POU6F2: variants seen among roughly 807,000 people sequenced by gnomAD.
POU6F2 encodes the protein POU domain, class 6, transcription factor 2.
Under a neutral mutation model 71.3 loss-of-function variants are expected in POU6F2, and 31 were observed. The observed-to-expected ratio is 0.43, with a 90% CI of 0.33 to 0.59. The LOEUF (loss-of-function observed/expected upper bound fraction) is 0.59. Among genes scored for constraint, POU6F2 ranks in the 20% least tolerant of loss-of-function variants. The probability of loss-of-function intolerance (pLI) is 0.04; values close to 1 mark genes in which losing one functional copy is unlikely to be tolerated. For synonymous variants in POU6F2, 347 were observed against 355.7 expected, an observed-to-expected ratio of 0.98 and a Z score of 0.27; for missense variants, 783 against 856.8, an observed-to-expected ratio of 0.91 and a Z score of 1.07.
chr7:39,291,015 G>GAAAAAAAAA (rs35704977), intron 4 of POU6F2, among the ~76,000 whole-genome samples: 2 of 122,432 alleles, frequency 1.6e-5, no homozygotes, highest in Non-Finnish European at 3.4e-5. Context: ...AAAGAGGACA[G>GAAAAAAAAA]AAAAAAAAAA....
At chr7:39,365,665 G>C (rs6979897) in intron 5 of POU6F2, among the ~76,000 whole-genome samples, 2 of 151,846 alleles carry the variant, frequency 1.3e-5, no homozygotes, top group African/African-American at 4.8e-5. Flanking sequence ...CAGAATCTAC[G>C]ATGCACTCAA....
intron 1 of POU6F2, among the ~76,000 whole-genome samples, chr7:38,989,525 T>A (rs1323839973): frequency 6.6e-6 from 1 of 152,074 alleles, no homozygotes. Flanking sequence ...CACCTTTTCA[T>A]GATCAGTTTT....
chr7:39,304,604 G>A (rs956802604), intron 4 of POU6F2, among the ~76,000 whole-genome samples: 10 of 151,954 alleles, frequency 6.6e-5, no homozygotes, highest in African/African-American at 2.2e-4. Flanking sequence ...AATAGGGCTC[G>A]CTGGCAAAGT....
chr7:39,339,358 A>G (rs1785858136), intron 4 of POU6F2, among the ~76,000 whole-genome samples: 1 of 152,194 alleles, frequency 6.6e-6, no homozygotes, highest in Non-Finnish European at 1.5e-5. Flanking sequence ...TTAAAAAACA[A>G]TCTCCATTCC....
chr7:39,370,211 T>C (rs1786581268), intron 5 of POU6F2, among the ~76,000 whole-genome samples: 1 of 152,222 alleles, frequency 6.6e-6, no homozygotes, highest in Non-Finnish European at 1.5e-5. Context: ...TGATGAGATT[T>C]CCCAGTGTAA....
intron 1 of POU6F2, among the ~76,000 whole-genome samples, chr7:39,042,644 C>T (rs1584513942): frequency 6.6e-6 from 1 of 152,006 alleles, no homozygotes; most frequent in East Asian, 1.9e-4. Context: ...CTGTCACATT[C>T]ATCAACAAAC....
intron 4 of POU6F2, among the ~76,000 whole-genome samples, chr7:39,264,310 G>T (rs1241416959): frequency 6.6e-6 from 1 of 152,216 alleles, no homozygotes; most frequent in African/African-American, 2.4e-5. Context: ...GAGCAAGGAA[G>T]TAAGAATGTG....
intron 1 of POU6F2, among the ~76,000 whole-genome samples, chr7:39,034,876 G>A (rs1048013429): frequency 6.6e-6 from 1 of 151,916 alleles, no homozygotes; most frequent in Non-Finnish European, 1.5e-5. Flanking sequence ...CGAGTTCTCT[G>A]TTTATTTTGC....
At chr7:39,203,433 T>C (rs1793946031) in intron 2 of POU6F2, among the ~76,000 whole-genome samples, 1 of 152,260 alleles carries the variant, frequency 6.6e-6, no homozygotes, top group Admixed American at 6.5e-5. Context: ...TTTGTTTTGT[T>C]TGTTTGTTTG....
At chr7:39,047,927 A>T (rs928440903) in intron 1 of POU6F2, among the ~76,000 whole-genome samples, 4 of 151,960 alleles carry the variant, frequency 2.6e-5, no homozygotes, top group Admixed American at 2.0e-4. Flanking sequence ...CTAATTTTTT[A>T]AAAGAATTTT....
intron 1 of POU6F2, among the ~76,000 whole-genome samples, chr7:39,032,982 C>T (rs1789978901): frequency 6.6e-6 from 1 of 152,140 alleles, no homozygotes; most frequent in Non-Finnish European, 1.5e-5. Flanking sequence ...TGTTAGTGGC[C>T]AGGGCTGGTA....
chr7:39,043,857 C>G (rs1790240335), intron 1 of POU6F2, among the ~76,000 whole-genome samples: 1 of 151,834 alleles, frequency 6.6e-6, no homozygotes, highest in Non-Finnish European at 1.5e-5. Flanking sequence ...CCATTCTGCC[C>G]CCTTGGTCCT....
chr7:39,085,726 T>A (rs1188502412), intron 1 of POU6F2, 134 bp from the exon 2 acceptor site: 17 of 912,400 alleles, frequency 1.9e-5, no homozygotes, highest in Middle Eastern at 3.3e-4. Flanking sequence ...CAGCCAGAGA[T>A]AAGAGAGAGA....
chr7:39,002,087 C>T (rs1274904074), intron 1 of POU6F2: 2 of 152,134 alleles, frequency 1.3e-5, no homozygotes, highest in Non-Finnish European at 2.9e-5. Flanking sequence ...AAATAACAGA[C>T]AGGATGATAT....
At chr7:39,312,884 A>C (rs560577469) in intron 4 of POU6F2, among the ~76,000 whole-genome samples, 2 of 152,282 alleles carry the variant, frequency 1.3e-5, no homozygotes, top group East Asian at 3.9e-4. Context: ...AGATTTCATC[A>C]CGCTACTCGG....
At chr7:39,406,890 G>A in intron 6 of POU6F2, 150 bp downstream of exon 6, 1 of 1,138,286 alleles carries the variant, frequency 8.8e-7, no homozygotes, top group Admixed American at 2.0e-5. Context: ...TAGGAGAAGG[G>A]TTGGGAGGTG....
At chr7:39,191,537 T>C (rs1793664495) in intron 2 of POU6F2, among the ~76,000 whole-genome samples, 1 of 152,192 alleles carries the variant, frequency 6.6e-6, no homozygotes, top group Admixed American at 6.5e-5. Flanking sequence ...TAAGATGAGC[T>C]CTGACACAGA....
rs1788601148 is a variant in POU6F2 at position 38,991,441 on chromosome 7, A to G, written c.105+13383A>G. On this transcript the variant is annotated intron_variant, in intron 1 of 9. Transcript: ENST00000518318. ...TGATCTTGGTACAGTCTACCAGTGG[A>G]AAGTTTGGGTCTGAGGAAGAGACCC... Among the ~76,000 whole-genome samples, 5 of 152,100 alleles carry G rather than the reference A, an allele frequency of 3.3e-5. No homozygotes were observed. The South Asian group carries it at 1.0e-3, about 31-fold the overall frequency.
chr7:39,317,276 G>A (rs1476131102), intron 4 of POU6F2, among the ~76,000 whole-genome samples: 2 of 152,194 alleles, frequency 1.3e-5, no homozygotes, highest in Admixed American at 6.5e-5. Flanking sequence ...CCTGCACAGA[G>A]GCTGCCAACA....
Sources: allele counts gnomAD v4.1 joint callset (sites outside exome capture counted in the v4.1 genomes callset), GRCh38; gene constraint gnomAD v4.1.1; transcripts MANE v1.5; gene names NCBI Gene and HGNC (gene_info 2026-07-23, HGNC 2026-07-21).